FHIT: variants seen among roughly 807,000 people sequenced by gnomAD.
FHIT encodes bis(5'-adenosyl)-triphosphatase.
Under a neutral mutation model 17.9 loss-of-function variants are expected in FHIT, and 19 were observed. The ratio of observed to expected loss-of-function variants is 1.06; its 90% CI spans 0.74 to 1.56. The LOEUF (loss-of-function observed/expected upper bound fraction) is 1.56. Ranked by LOEUF, FHIT falls within the 40% of genes most tolerant of loss-of-function variation. The pLI, the probability that FHIT is intolerant of heterozygous loss-of-function variation, is 0.00. For missense variants in FHIT, 248 were observed against 189.2 expected (o/e 1.31, Z -1.82); for synonymous variants, 81 against 69.7 (o/e 1.16, Z -0.81).
intron 5 of FHIT, among the ~76,000 whole-genome samples, chr3:60,516,549 C>G (rs956398942): frequency 6.6e-6 from 1 of 152,180 alleles, no homozygotes; most frequent in African/African-American, 2.4e-5. Flanking sequence ...GATTTGAAAC[C>G]TGGCTCTGCC....
intron 4 of FHIT, among the ~76,000 whole-genome samples, chr3:60,791,083 CTGGCCATTTGG>C (rs1261128614): frequency 1.3e-5 from 2 of 152,096 alleles, no homozygotes; most frequent in Admixed American, 1.3e-4. Context: ...TGGTCCTTTG[CTGGCCATTTGG>C]TTTAGGAGTG....
chr3:60,482,259 T>C (rs1261626143), intron 5 of FHIT, among the ~76,000 whole-genome samples: 1 of 152,014 alleles, frequency 6.6e-6, no homozygotes. Context: ...TAATATTAGA[T>C]CAACAAGACA....
chr3:60,962,225 CTGTT>C (rs1218983119), intron 3 of FHIT, among the ~76,000 whole-genome samples: 3 of 152,126 alleles, frequency 2.0e-5, no homozygotes, highest in Non-Finnish European at 2.9e-5. Flanking sequence ...ATTTGGCTCT[CTGTT>C]TGTCTGTTAT....
intron 1 of FHIT, among the ~76,000 whole-genome samples, chr3:61,220,591 G>T (rs1478062560): frequency 3.9e-5 from 6 of 152,136 alleles, no homozygotes; most frequent in Non-Finnish European, 8.8e-5. Context: ...TTGTTAAAAT[G>T]TAGGTGAAAG....
At chr3:60,543,336 A>G (rs1300178680) in intron 4 of FHIT, among the ~76,000 whole-genome samples, 1 of 152,198 alleles carries the variant, frequency 6.6e-6, no homozygotes, top group Non-Finnish European at 1.5e-5. Flanking sequence ...TGTATTTATT[A>G]TCCCATATAA....
intron 5 of FHIT, among the ~76,000 whole-genome samples, chr3:60,056,221 A>C (rs1702074218): frequency 6.6e-6 from 1 of 152,208 alleles, no homozygotes; most frequent in South Asian, 2.1e-4. Context: ...ACAGCTCTTA[A>C]GAGACACACA....
chr3:59,750,287 A>T lies in FHIT; in HGVS notation c.*6-708T>A, dbSNP rs144722967. 1.4e-4 allele frequency: 31 copies of T among 225,734 alleles called. 1 individual carries two copies. The East Asian group carries it at 1.9e-3, about 14-fold the overall frequency. The allele number at this position is 225,734 out of a possible 1,614,324, so 14.0% of individuals were successfully genotyped here. On this transcript the variant is annotated intron_variant, in intron 9 of 9. Coordinates refer to ENST00000492590, the MANE Select transcript of FHIT (RefSeq NM_002012.4). ...TTCAGCAAGCCTTGGGAAAAAGGCT[A>T]AAGCTTTCTAGCCTCTACCTGAAAA...
At chr3:60,348,990 C>T (rs1269094338) in intron 5 of FHIT, among the ~76,000 whole-genome samples, 1 of 152,154 alleles carries the variant, frequency 6.6e-6, no homozygotes, top group South Asian at 2.1e-4. Context: ...GTGACCCCAG[C>T]TGATTGTAGG....
chr3:59,851,586 T>C (rs1205386518), intron 8 of FHIT, among the ~76,000 whole-genome samples: 1 of 152,182 alleles, frequency 6.6e-6, no homozygotes, highest in African/African-American at 2.4e-5. Context: ...ACCCAACCTA[T>C]GTAATACTTA....
chr3:60,536,838 CAAAA>C lies in FHIT; in HGVS notation c.103+18_103+21del. 1 of 1,184,810 alleles carries C rather than the reference CAAAA, an allele frequency of 8.4e-7. No individual in the cohort carries two copies. The highest frequency in any genetic ancestry group is 1.2e-6 in the Non-Finnish European group (1 of 866,870). 73.4% of individuals were successfully genotyped at this position (1,184,810 alleles called of 1,614,324 possible). A position where few individuals can be genotyped will look rare whatever the true frequency, so the allele number is the denominator to read the frequency against. On this transcript the variant is annotated intron_variant, in intron 5 of 9. Transcript: ENST00000492590. ...TCAGAAGACTTTTATTTTCCCTCTC[CAAAA>C]AAAAAAAGAAAGGATACGTCCTGGT... is the stretch of plus-strand genomic sequence containing the variant.
At chr3:59,947,034 G>A (rs934151368) in intron 7 of FHIT, among the ~76,000 whole-genome samples, 1 of 152,206 alleles carries the variant, frequency 6.6e-6, no homozygotes, top group Non-Finnish European at 1.5e-5. Flanking sequence ...CACAGAAGGA[G>A]TTAGGGAGAA....
intron 5 of FHIT, among the ~76,000 whole-genome samples, chr3:60,491,438 A>G (rs920653634): frequency 7.9e-5 from 12 of 152,106 alleles, no homozygotes; most frequent in African/African-American, 2.9e-4. Context: ...AAGGCCAACC[A>G]GAACAAAAAC....
chr3:59,833,857 G>T (rs979227489), intron 8 of FHIT, among the ~76,000 whole-genome samples: 2 of 152,110 alleles, frequency 1.3e-5, no homozygotes, highest in African/African-American at 4.8e-5. Context: ...CAAGAGATCT[G>T]ATGGCTTAAG....
At chr3:60,563,360 G>T (rs1264602327) in intron 4 of FHIT, among the ~76,000 whole-genome samples, 1 of 152,178 alleles carries the variant, frequency 6.6e-6, no homozygotes, top group Non-Finnish European at 1.5e-5. Context: ...GCTTTACTGT[G>T]CTTCTCAGAT....
intron 1 of FHIT, among the ~76,000 whole-genome samples, chr3:61,242,938 G>T (rs1220233491): frequency 1.3e-5 from 2 of 152,150 alleles, no homozygotes; most frequent in African/African-American, 4.8e-5. Context: ...AACTGGGGAG[G>T]TTTAGAATCT....
At chr3:59,934,702 C>G (rs1017959780) in intron 7 of FHIT, among the ~76,000 whole-genome samples, 4 of 152,078 alleles carry the variant, frequency 2.6e-5, no homozygotes, top group Non-Finnish European at 5.9e-5. Context: ...GAAGGGGAAG[C>G]AAACATATCC....
intron 5 of FHIT, among the ~76,000 whole-genome samples, chr3:60,116,364 A>T (rs7646225): frequency 0.27 from 41,344 of 152,130 alleles, 6,404 homozygotes; most frequent in Non-Finnish European, 0.36. Context: ...ACAGTGGCAC[A>T]AAGTATTCTC....
intron 3 of FHIT, among the ~76,000 whole-genome samples, chr3:61,017,137 A>C (rs2032157876): frequency 6.6e-6 from 1 of 152,128 alleles, no homozygotes; most frequent in Non-Finnish European, 1.5e-5. Flanking sequence ...AAACACACAA[A>C]AAATTAGCAA....
chr3:59,893,408 T>C (rs17061385), intron 8 of FHIT, among the ~76,000 whole-genome samples: 5,966 of 152,226 alleles, frequency 0.039, 383 homozygotes, highest in African/African-American at 0.13. Context: ...GAATATAACA[T>C]GAACTGATTG....
Sources: allele counts gnomAD v4.1 joint callset (sites outside exome capture counted in the v4.1 genomes callset), GRCh38; gene constraint gnomAD v4.1.1; transcripts MANE v1.5; gene names NCBI Gene and HGNC (gene_info 2026-07-23, HGNC 2026-07-21).